Variants in PTPRN2 observed in about 807,000 individuals in gnomAD.
The protein encoded by PTPRN2 is protein tyrosine phosphatase receptor type N2.
In PTPRN2, 74 loss-of-function variants were observed where a neutral mutation model predicts 118.8. That is an observed-to-expected ratio of 0.62 (90% confidence interval 0.52 to 0.76). The LOEUF (loss-of-function observed/expected upper bound fraction) is 0.76. PTPRN2 is among the 30% of genes least tolerant of loss of function. The pLI, the probability that PTPRN2 is intolerant of heterozygous loss-of-function variation, is 0.00. For synonymous variants in PTPRN2, 641 were observed against 608.0 expected (o/e 1.05, Z -0.80); for missense variants, 1,481 against 1,394.4 (o/e 1.06, Z -0.99).
At chr7:158,141,357 G>A (rs1033623588) in intron 6 of PTPRN2, among the ~76,000 whole-genome samples, 12 of 152,188 alleles carry the variant, frequency 7.9e-5, no homozygotes, top group South Asian at 6.2e-4. Flanking sequence ...TCAGCCGCAC[G>A]TCCCGTCCTC....
chr7:158,378,896 A>G (rs1203379036), intron 2 of PTPRN2, among the ~76,000 whole-genome samples: 1 of 152,246 alleles, frequency 6.6e-6, no homozygotes, highest in African/African-American at 2.4e-5. Flanking sequence ...TGTTACGATC[A>G]AGGGGACTTT....
At chr7:157,895,132 C>T (rs888054846) in intron 12 of PTPRN2, among the ~76,000 whole-genome samples, 2 of 152,046 alleles carry the variant, frequency 1.3e-5, no homozygotes, top group East Asian at 1.9e-4. Context: ...AGGGTCTGAA[C>T]GAGACCATAA....
Position 157,981,015 on chromosome 7 carries a change from G to A in PTPRN2, c.1724-82278C>T, listed in dbSNP as rs117808277. Among the ~76,000 whole-genome samples, 619 of 151,420 alleles carry A rather than the reference G, an allele frequency of 4.1e-3. 14 individuals are homozygous for A. The South Asian group carries it at 0.052, about 13-fold the overall frequency. ...TGGGGGGTAAGTAGCCAGTTCCCAC[G>A]GAGCCCCGCCTCCCACACGGGCACT... On this transcript the variant is annotated intron_variant, in intron 11 of 22. Coordinates refer to ENST00000389418, the MANE Select transcript of PTPRN2 (RefSeq NM_002847.5).
chr7:158,447,512 G>C (rs1241085025), intron 2 of PTPRN2, among the ~76,000 whole-genome samples: 1 of 152,136 alleles, frequency 6.6e-6, no homozygotes, highest in East Asian at 1.9e-4. Flanking sequence ...AGGGCCCCAG[G>C]GAGCCCGGTG....
chr7:158,449,752 G>A (rs571452686), intron 2 of PTPRN2, among the ~76,000 whole-genome samples: 2 of 152,218 alleles, frequency 1.3e-5, no homozygotes, highest in East Asian at 1.9e-4. Context: ...TCAGTTTCCC[G>A]CAGCCCCTGC....
At chr7:157,581,051 C>CA in intron 17 of PTPRN2, among the ~76,000 whole-genome samples, 1 of 113,556 alleles carries the variant, frequency 8.8e-6, no homozygotes. Flanking sequence ...CACCTGCACA[C>CA]CCCCTGCACA....
chr7:157,541,877 T>C (rs1008293720), intron 22 of PTPRN2, among the ~76,000 whole-genome samples: 1 of 152,222 alleles, frequency 6.6e-6, no homozygotes, highest in Non-Finnish European at 1.5e-5. Flanking sequence ...AAAAGACAGT[T>C]TCTCCTTTCA....
intron 3 of PTPRN2, among the ~76,000 whole-genome samples, chr7:158,216,017 T>A (rs996255897): frequency 6.7e-6 from 1 of 149,586 alleles, no homozygotes; most frequent in East Asian, 1.9e-4. Context: ...TTAAACACCA[T>A]ACTACTGTCT....
At position 158,182,051 on chromosome 7, in the gene PTPRN2, C is replaced by T. The variant is rs540337162; in HGVS notation, c.549+10276G>A. 3.3e-4 allele frequency among the ~76,000 whole-genome samples: 50 copies of T among 152,276 alleles called. No homozygotes were observed. The South Asian group carries it at 8.5e-3, about 26-fold the overall frequency. ...GACTTTCTGATATAGGCATTTAGCA[C>T]AGTGAACTTTCCTCTTAGCATTGCT... On this transcript the variant is annotated intron_variant, in intron 5 of 22. Transcript: ENST00000389418.
At chr7:158,182,516 C>T (rs1181276598) in intron 5 of PTPRN2, among the ~76,000 whole-genome samples, 2 of 152,112 alleles carry the variant, frequency 1.3e-5, no homozygotes, top group African/African-American at 4.8e-5. Flanking sequence ...TTGTTCCCCT[C>T]CTTGTGTCCA....
chr7:157,778,463 A>G (rs60401776), intron 12 of PTPRN2, among the ~76,000 whole-genome samples: 5,246 of 151,340 alleles, frequency 0.035, 304 homozygotes, highest in African/African-American at 0.12. Context: ...GTGAATGAAT[A>G]CAGGTGTTGG....
intron 12 of PTPRN2, among the ~76,000 whole-genome samples, chr7:157,887,500 T>G (rs7788147): frequency 2.9e-5 from 1 of 33,926 alleles, no homozygotes. Context: ...TACCCACTCG[T>G]CAGTACCCAC....
chr7:158,172,648 C>T (rs1269769527), intron 5 of PTPRN2, among the ~76,000 whole-genome samples: 1 of 151,646 alleles, frequency 6.6e-6, no homozygotes, highest in Admixed American at 6.6e-5. Flanking sequence ...ATCACCATCC[C>T]ACCATCCACA....
chr7:157,666,364 A>G (rs1286811648), intron 13 of PTPRN2, among the ~76,000 whole-genome samples: 1 of 152,164 alleles, frequency 6.6e-6, no homozygotes, highest in Non-Finnish European at 1.5e-5. Flanking sequence ...ATAGCATGTC[A>G]AATTCCCAGT....
chr7:158,390,440 A>T (rs1811837312), intron 2 of PTPRN2, among the ~76,000 whole-genome samples: 1 of 152,228 alleles, frequency 6.6e-6, no homozygotes, highest in African/African-American at 2.4e-5. Flanking sequence ...TTATGAGGTG[A>T]GACCTGCGGA....
intron 1 of PTPRN2, among the ~76,000 whole-genome samples, chr7:158,557,542 C>T (rs1046063289): frequency 2.0e-5 from 3 of 152,254 alleles, no homozygotes; most frequent in African/African-American, 7.2e-5. Context: ...ACGGCCGCCG[C>T]TCCGCTCAAC....
chr7:157,899,686 G>A (rs567358766), intron 11 of PTPRN2, among the ~76,000 whole-genome samples: 42 of 152,270 alleles, frequency 2.8e-4, no homozygotes, highest in African/African-American at 9.1e-4. Flanking sequence ...GGAGAGGGAC[G>A]CGATGAGATC....
chr7:157,987,275 T>G lies in PTPRN2; in HGVS notation c.1724-88538A>C, dbSNP rs907371408. ...GTGCTGTGTGGAGCTTACTGGAACC[T>G]AAACGGGGGCAAGATGACCGGTCAC... On this transcript the variant is annotated intron_variant, in intron 11 of 22. Coordinates refer to ENST00000389418, the MANE Select transcript of PTPRN2 (RefSeq NM_002847.5). The surrounding 1 kb of genome is among the most constrained non-coding windows in gnomAD (Gnocchi z 4.3). 2.7e-5 allele frequency among the ~76,000 whole-genome samples: 4 copies of G among 146,210 alleles called. No homozygotes were observed. Among genetic ancestry groups the G allele is most frequent in the African/African-American group, 1.0e-4 (4 of 39,184 alleles).
chr7:158,114,419 C>T (rs2150377555), intron 9 of PTPRN2, among the ~76,000 whole-genome samples: 1 of 152,328 alleles, frequency 6.6e-6, no homozygotes, highest in Admixed American at 6.5e-5. Flanking sequence ...AGCAACAAAG[C>T]CACATGACTT....
Sources: allele counts gnomAD v4.1 joint callset (sites outside exome capture counted in the v4.1 genomes callset), GRCh38; gene constraint gnomAD v4.1.1; non-coding constraint Gnocchi (gnomAD v3.1); transcripts MANE v1.5; gene names NCBI Gene and HGNC (gene_info 2026-07-23, HGNC 2026-07-21).